The following KALRN variants were observed in gnomAD, a reference collection of about 807,000 sequenced individuals.
KALRN encodes kalirin RhoGEF kinase.
In KALRN, 70 loss-of-function variants were observed where a neutral mutation model predicts 353.7. The ratio of observed to expected loss-of-function variants is 0.20; its 90% CI spans 0.16 to 0.24. The LOEUF (loss-of-function observed/expected upper bound fraction) is 0.24. Among genes scored for constraint, KALRN ranks in the 10% least tolerant of loss-of-function variants. KALRN has a pLI of 1.00. For missense variants in KALRN, 2,791 were observed against 3,756.7 expected (o/e 0.74, Z 6.72); for synonymous variants, 1,391 against 1,434.8 (o/e 0.97, Z 0.69).
intron 15 of KALRN, among the ~76,000 whole-genome samples, chr3:124,430,180 A>G (rs909403335): frequency 6.6e-6 from 1 of 152,288 alleles, no homozygotes; most frequent in Non-Finnish European, 1.5e-5. Context: ...ACGGTGGTAC[A>G]TACAAAATGA....
At chr3:124,638,658 G>A (rs1003012043) in intron 37 of KALRN, among the ~76,000 whole-genome samples, 1 of 151,818 alleles carries the variant, frequency 6.6e-6, no homozygotes, top group Non-Finnish European at 1.5e-5. Context: ...AGTAGCCATT[G>A]CCTGCCTTTT....
At chr3:124,134,063 A>G (rs1265017233) in intron 1 of KALRN, among the ~76,000 whole-genome samples, 1 of 152,204 alleles carries the variant, frequency 6.6e-6, no homozygotes, top group Non-Finnish European at 1.5e-5. Context: ...AAGAGAGCCC[A>G]TGGAGCCAAA....
chr3:124,680,124 G>A (rs1322021801), intron 51 of KALRN, among the ~76,000 whole-genome samples: 1 of 152,230 alleles, frequency 6.6e-6, no homozygotes, highest in African/African-American at 2.4e-5. Flanking sequence ...CGTGAGCAGT[G>A]GCTGTGCCCA....
chr3:124,236,614 GC>G (rs2079806163), intron 3 of KALRN, among the ~76,000 whole-genome samples: 1 of 152,120 alleles, frequency 6.6e-6, no homozygotes, highest in African/African-American at 2.4e-5. Context: ...GCTAATTGAT[GC>G]TCATCTTTTC....
chr3:124,207,405 C>G (rs1365506799), intron 1 of KALRN, among the ~76,000 whole-genome samples: 1 of 152,200 alleles, frequency 6.6e-6, no homozygotes, highest in Non-Finnish European at 1.5e-5. Context: ...TGTCCTGTAA[C>G]TCTCTGTCTT....
At chr3:124,039,187 G>A (rs1349956328) in intron 1 of KALRN, among the ~76,000 whole-genome samples, 1 of 152,184 alleles carries the variant, frequency 6.6e-6, no homozygotes, top group African/African-American at 2.4e-5. Flanking sequence ...CACTGCCCAA[G>A]GGCTCCTGCA....
At chr3:124,679,625 T>C in intron 51 of KALRN, 108 bp downstream of exon 51, 1 of 934,344 alleles carries the variant, frequency 1.1e-6, no homozygotes, top group Non-Finnish European at 1.8e-6. Flanking sequence ...TAAATTGTGA[T>C]GTTGGGGCAT....
chr3:124,613,910 T>C (rs1228509386), intron 34 of KALRN, among the ~76,000 whole-genome samples: 5 of 152,230 alleles, frequency 3.3e-5, no homozygotes, highest in African/African-American at 9.7e-5. Flanking sequence ...TATGTCCTGA[T>C]GATCTTTCTG....
At chr3:124,428,017 G>A (rs1400417537) in intron 15 of KALRN, among the ~76,000 whole-genome samples, 2 of 152,092 alleles carry the variant, frequency 1.3e-5, no homozygotes, top group African/African-American at 4.8e-5. Flanking sequence ...CTTAAATGAT[G>A]TTTGCAATGT....
intron 36 of KALRN, 21 bp downstream of exon 36, chr3:124,633,974 C>G: frequency 6.3e-7 from 1 of 1,594,790 alleles, no homozygotes. Flanking sequence ...TTTACTTGCT[C>G]ACTTAAAAGA....
At chr3:124,215,124 G>A (rs2077208980) in intron 1 of KALRN, among the ~76,000 whole-genome samples, 1 of 152,188 alleles carries the variant, frequency 6.6e-6, no homozygotes, top group African/African-American at 2.4e-5. Context: ...CTATGGTCAT[G>A]GAGATGCCCC....
At chr3:124,357,285 T>C (rs1161188212) in intron 10 of KALRN, among the ~76,000 whole-genome samples, 1 of 152,236 alleles carries the variant, frequency 6.6e-6, no homozygotes, top group African/African-American at 2.4e-5. Flanking sequence ...TCCTTCTGTT[T>C]TCCCTGACTC....
intron 3 of KALRN, among the ~76,000 whole-genome samples, chr3:124,235,735 C>T (rs1042522373): frequency 2.0e-5 from 3 of 152,220 alleles, no homozygotes; most frequent in African/African-American, 7.2e-5. Context: ...GCAGCGACGG[C>T]ACTGCTCTCT....
At position 124,595,780 on chromosome 3, in the gene KALRN, C is replaced by T. The variant is rs1213497030; in HGVS notation, c.5182+32691C>T. Among the ~76,000 whole-genome samples the T allele has an allele frequency of 3.3e-5, 5 of 152,268 alleles. No individual in the cohort carries two copies. In the East Asian group the frequency reaches 9.6e-4, roughly 29 times the overall value. On this transcript the variant is annotated intron_variant, in intron 34 of 59. Coordinates refer to ENST00000682506, the MANE Select transcript of KALRN (RefSeq NM_001388419.1). The stretch of plus-strand genomic sequence containing the variant: ...CTAGTACCAAGAATTTCATGTCTCT[C>T]CTGTTTACTTCTGTTTACATTTTCT...
Position 124,458,365 on chromosome 3 carries a change from A to G in KALRN, c.3854+1637A>G, listed in dbSNP as rs904401334. ...CTTCCTTTTTTTCCTGTTTGGTTTT[A>G]TTTTGCTCTGTGTAAGTCCTATTGA... On this transcript the variant is annotated intron_variant, in intron 23 of 59. Transcript: ENST00000682506. 7.8e-5 allele frequency among the ~76,000 whole-genome samples: 8 copies of G among 102,522 alleles called. No individual in the cohort carries two copies. The Middle Eastern group carries it at 0.015, about 196-fold the overall frequency. The allele number at this position is 102,522 out of a possible 152,430, so 67.3% of individuals were successfully genotyped here.
chr3:124,382,901 C>G (rs1036902095), intron 10 of KALRN, among the ~76,000 whole-genome samples: 2 of 151,900 alleles, frequency 1.3e-5, no homozygotes, highest in African/African-American at 4.8e-5. Flanking sequence ...CTGCATGTCT[C>G]TCATGAGTGG....
intron 1 of KALRN, among the ~76,000 whole-genome samples, chr3:124,128,087 A>G (rs995708167): frequency 3.3e-5 from 5 of 152,274 alleles, no homozygotes; most frequent in East Asian, 3.9e-4. Context: ...TATTCCCTCA[A>G]TATTTATTAA....
chr3:124,449,391 T>C (rs1246427151), intron 21 of KALRN, among the ~76,000 whole-genome samples: 1 of 152,170 alleles, frequency 6.6e-6, no homozygotes, highest in East Asian at 1.9e-4. Context: ...GAAAACATCA[T>C]TTTCATGTTG....
intron 1 of KALRN, among the ~76,000 whole-genome samples, chr3:124,050,672 C>G (rs150865137): frequency 6.6e-6 from 1 of 152,240 alleles, no homozygotes; most frequent in East Asian, 1.9e-4. Context: ...CCCAGATGCC[C>G]GAGGAAAAGG....
Sources: gnomAD v4.1 joint callset for allele counts (sites outside exome capture counted in the v4.1 genomes callset) on GRCh38, gnomAD v4.1.1 for gene constraint, MANE v1.5 for transcripts, NCBI Gene and HGNC (gene_info 2026-07-23, HGNC 2026-07-21) for gene names.